MYT1L: variants seen among roughly 807,000 people sequenced by gnomAD.
MYT1L encodes myelin transcription factor 1 like, also known as myelin transcription factor 1-like protein.
MYT1L carries 12 observed loss-of-function variants against 126.7 expected under a neutral mutation model. The ratio of observed to expected loss-of-function variants is 0.09; its 90% CI spans 0.06 to 0.15. The LOEUF (loss-of-function observed/expected upper bound fraction) is 0.15. MYT1L is among the 10% of genes least tolerant of loss of function. The probability of loss-of-function intolerance (pLI) is 1.00; values close to 1 mark genes in which losing one functional copy is unlikely to be tolerated. For synonymous variants in MYT1L, 541 were observed against 604.2 expected (o/e 0.90, Z 1.53); for missense variants, 979 against 1,585.2 (o/e 0.62, Z 6.49).
At chr2:1,926,126 AAATGTGGGGAC>A (rs1322957169) in intron 9 of MYT1L, among the ~76,000 whole-genome samples, 1 of 152,218 alleles carries the variant, frequency 6.6e-6, no homozygotes, top group Non-Finnish European at 1.5e-5. Context: ...CAGCGGCAGC[AAATGTGGGGAC>A]GGCGGGTGAA....
intron 3 of MYT1L, among the ~76,000 whole-genome samples, chr2:2,149,491 C>A (rs1276904018): frequency 6.6e-6 from 1 of 152,236 alleles, no homozygotes; most frequent in African/African-American, 2.4e-5. Context: ...ATTATTTCAA[C>A]TCTGAGCTCA....
chr2:2,026,946 G>A (rs1246362646), intron 4 of MYT1L, among the ~76,000 whole-genome samples: 3 of 152,128 alleles, frequency 2.0e-5, no homozygotes, highest in Non-Finnish European at 2.9e-5. Flanking sequence ...GCCCCGTCAC[G>A]ACCAGCGGAG....
At chr2:1,960,949 G>A (rs1170409163) in intron 8 of MYT1L, among the ~76,000 whole-genome samples, 3 of 152,246 alleles carry the variant, frequency 2.0e-5, no homozygotes, top group Non-Finnish European at 2.9e-5. Context: ...TGTCCATGTT[G>A]CACAGATGAC....
intron 3 of MYT1L, among the ~76,000 whole-genome samples, chr2:2,069,103 G>C (rs1267839402): frequency 6.6e-6 from 1 of 151,700 alleles, no homozygotes; most frequent in East Asian, 1.9e-4. Context: ...TTTAAGTTCT[G>C]GGGTACATGT....
Position 2,279,550 on chromosome 2 carries a change from A to AAT in MYT1L, c.-421+4853_-421+4854insAT, listed in dbSNP as rs1345929792. On this transcript the variant is annotated intron_variant, in intron 2 of 24. Transcript: ENST00000647738. ...GGAAGGAGGAAGGAGAGAGAGAAAGAGAGAAGGAATGAATGAATGAAGGAA... is the reference window on the plus strand; with the variant it reads ...GGAAGGAGGAAGGAGAGAGAGAAAGAATGAGAAGGAATGAATGAATGAAGGAA... Among the ~76,000 whole-genome samples the AAT allele has an allele frequency of 8.2e-4, 121 of 147,186 alleles. 1 individual carries two copies. Among genetic ancestry groups the AAT allele is most frequent in the African/African-American group, 3.0e-3 (118 of 39,786 alleles).
intron 8 of MYT1L, among the ~76,000 whole-genome samples, chr2:1,951,640 G>A (rs1050780916): frequency 1.3e-5 from 2 of 152,248 alleles, no homozygotes; most frequent in African/African-American, 4.8e-5. Context: ...GTTTAACCGC[G>A]GGAGATGTAT....
Position 1,839,673 on chromosome 2 carries a change from A to T in MYT1L, c.2859-303T>A, listed in dbSNP as rs10196364. Among the ~76,000 whole-genome samples, 73,564 of 152,182 alleles carry T rather than the reference A, an allele frequency of 0.48. 19,982 individuals are homozygous for T. The highest frequency in any genetic ancestry group is 0.74 in the African/African-American group (30,843 of 41,502). On this transcript the variant is annotated intron_variant, in intron 20 of 24. Coordinates refer to ENST00000647738, the MANE Select transcript of MYT1L (RefSeq NM_001303052.2). ...AGCACACAAAAGACCACGCAGGCACATGCAGCTACACAAGCGTGTGTTTAA... is the reference window on the plus strand; with the variant it reads ...AGCACACAAAAGACCACGCAGGCACTTGCAGCTACACAAGCGTGTGTTTAA...
At position 2,041,083 on chromosome 2, in the gene MYT1L, C is replaced by T. The variant is rs142697743; in HGVS notation, c.-158+12895G>A. 1.2e-4 allele frequency among the ~76,000 whole-genome samples: 18 copies of T among 152,300 alleles called. 1 individual carries two copies. The highest frequency in any genetic ancestry group is 2.9e-4 in the African/African-American group (12 of 41,576). On this transcript the variant is annotated intron_variant, in intron 4 of 24. Transcript: ENST00000647738. ...TTACGTAAAATTGCAAACTACCTGA[C>T]ATTTTATCCAGAAAAATGTTACTTA...
intron 21 of MYT1L, among the ~76,000 whole-genome samples, chr2:1,813,646 C>G (rs2037081467): frequency 6.6e-6 from 1 of 152,098 alleles, no homozygotes; most frequent in African/African-American, 2.4e-5. Context: ...GCGAGGGGGT[C>G]CGGGCTGCGG....
chr2:1,950,133 C>CAG (rs2057611105), intron 8 of MYT1L, among the ~76,000 whole-genome samples: 1 of 149,492 alleles, frequency 6.7e-6, no homozygotes, highest in Non-Finnish European at 1.5e-5. Context: ...CTTTGAGGGA[C>CAG]AGAGATTTTT....
In MYT1L at chr2:2,047,823, A is replaced by T. The variant is rs529011992; in HGVS notation, c.-158+6155T>A. 5.9e-5 allele frequency among the ~76,000 whole-genome samples: 9 copies of T among 152,362 alleles called. No individual in the cohort carries two copies. The East Asian group carries it at 1.3e-3, about 23-fold the overall frequency. On this transcript the variant is annotated intron_variant, in intron 4 of 24. Transcript: ENST00000647738. ...ATAATCTTTTTAAAATTAGAACTCA[A>T]GGAAATAATGTAAACTACTACTAAG...
At chr2:2,273,461 A>G (rs1227729390) in intron 2 of MYT1L, among the ~76,000 whole-genome samples, 4 of 152,212 alleles carry the variant, frequency 2.6e-5, no homozygotes, top group Admixed American at 6.5e-5. Flanking sequence ...TAAATGTATC[A>G]TGCCAGGAAG....
chr2:1,917,443 AGGTGTC>A lies in MYT1L; in HGVS notation c.1484-110_1484-105del. On this transcript the variant is annotated intron_variant, in intron 10 of 24. Coordinates refer to ENST00000647738, the MANE Select transcript of MYT1L (RefSeq NM_001303052.2). The surrounding 1 kb of genome is among the most constrained non-coding windows in gnomAD (Gnocchi z 5.9). ...ACCTTGCTAAAGAAAGAAATAAAGCAGGTGTCGGGGGCTAGGCTGTGACATCAGACT... is the reference window on the plus strand; with the variant it reads ...ACCTTGCTAAAGAAAGAAATAAAGCAGGGGGCTAGGCTGTGACATCAGACT... 7.2e-7 allele frequency: 1 copy of A among 1,396,144 alleles called. No individual in the cohort carries two copies. The highest frequency in any genetic ancestry group is 1.4e-5 in the South Asian group (1 of 71,350). The allele number at this position is 1,396,144 out of a possible 1,614,324, so 86.5% of individuals were successfully genotyped here.
chr2:2,164,354 C>T (rs1206794734), intron 3 of MYT1L, among the ~76,000 whole-genome samples: 4 of 152,056 alleles, frequency 2.6e-5, no homozygotes, highest in African/African-American at 9.7e-5. Context: ...TCATTTCCTG[C>T]TGCCATTTGT....
At chr2:1,956,270 G>A (rs62650072) in intron 8 of MYT1L, among the ~76,000 whole-genome samples, 57,094 of 133,288 alleles carry the variant, frequency 0.43, 14,242 homozygotes, top group African/African-American at 0.69. Flanking sequence ...TATTCTATCT[G>A]TCTATCTACC....
In MYT1L at chr2:1,864,264, A is replaced by C. The variant is rs150987590; in HGVS notation, c.2712-12561T>G. Among the ~76,000 whole-genome samples the C allele has an allele frequency of 2.9e-3, 442 of 152,282 alleles. 2 individuals are homozygous for C. Among genetic ancestry groups the C allele is most frequent in the African/African-American group, 9.9e-3 (413 of 41,546 alleles). On this transcript the variant is annotated intron_variant, in intron 18 of 24. Transcript: ENST00000647738. Reference sequence around the variant, plus strand: ...GAGGTCCTCCCCAACACGCAGAAAGAAAGCCCCCAGCAGACCTGGCAGGTC... The same window carrying C: ...GAGGTCCTCCCCAACACGCAGAAAGCAAGCCCCCAGCAGACCTGGCAGGTC...
intron 3 of MYT1L, among the ~76,000 whole-genome samples, chr2:2,062,838 T>A (rs2070708828): frequency 6.6e-6 from 1 of 152,120 alleles, no homozygotes; most frequent in African/African-American, 2.4e-5. Flanking sequence ...TTGCTTCTAG[T>A]GTTTTAGTAT....
At chr2:2,144,630 T>G (rs1186931808) in intron 3 of MYT1L, among the ~76,000 whole-genome samples, 1 of 152,202 alleles carries the variant, frequency 6.6e-6, no homozygotes, top group African/African-American at 2.4e-5. Context: ...CTTTGCATCT[T>G]CCAGCCCCTG....
intron 3 of MYT1L, among the ~76,000 whole-genome samples, chr2:2,169,697 G>A (rs573471423): frequency 7.9e-5 from 12 of 152,188 alleles, no homozygotes; most frequent in East Asian, 3.9e-4. Flanking sequence ...AAAACAGGCC[G>A]AATGGAATCC....
Sources: gnomAD v4.1 joint callset for allele counts (sites outside exome capture counted in the v4.1 genomes callset) on GRCh38, gnomAD v4.1.1 for gene constraint, Gnocchi (gnomAD v3.1) non-coding constraint, MANE v1.5 for transcripts, NCBI Gene and HGNC (gene_info 2026-07-23, HGNC 2026-07-21) for gene names.